ATF7IP2: variants seen among roughly 807,000 people sequenced by gnomAD.
ATF7IP2 encodes the protein activating transcription factor 7-interacting protein 2.
Under a neutral mutation model 64.2 loss-of-function variants are expected in ATF7IP2, and 42 were observed. That is an observed-to-expected ratio of 0.65 (90% confidence interval 0.51 to 0.85). ATF7IP2 has a LOEUF of 0.85. ATF7IP2 is among the 40% of genes least tolerant of loss of function. The probability of loss-of-function intolerance (pLI) is 0.00; values close to 1 mark genes in which losing one functional copy is unlikely to be tolerated. For missense variants in ATF7IP2, 933 were observed against 784.2 expected, an observed-to-expected ratio of 1.19 and a Z score of -2.27; for synonymous variants, 308 against 272.8, an observed-to-expected ratio of 1.13 and a Z score of -1.27.
chr16:10,482,156 C>T lies in ATF7IP2; in HGVS notation c.1956C>T (p.Tyr652=), dbSNP rs750166129. The change falls in exon 14 of 14, where the codon TAC becomes TAT. Residue 652 remains tyrosine (Y), a synonymous_variant. Transcript: ENST00000562102. Reference sequence around the variant, plus strand: ...CTCAGTTTTTAGCTTCCAACAGATACTATTTTACTGTCCAATCAAAAGATA... The same window carrying T: ...CTCAGTTTTTAGCTTCCAACAGATATTATTTTACTGTCCAATCAAAAGATA... ...TLSQFLASNR[Y]YFTVQSKDIF... is the part of the protein sequence containing the mutation. 2.5e-6 allele frequency: 4 copies of T among 1,612,818 alleles called. No individual in the cohort carries two copies. In the East Asian group the frequency reaches 6.7e-5, roughly 27 times the overall value.
intron 2 of ATF7IP2, among the ~76,000 whole-genome samples, chr16:10,416,378 T>G (rs1302887368): frequency 6.6e-6 from 1 of 152,208 alleles, no homozygotes; most frequent in African/African-American, 2.4e-5. Flanking sequence ...TCTCACTTAT[T>G]TGTGGGAGCT....
At chr16:10,393,821 A>T (rs1471569851) in intron 1 of ATF7IP2, among the ~76,000 whole-genome samples, 1 of 152,142 alleles carries the variant, frequency 6.6e-6, no homozygotes, top group East Asian at 1.9e-4. Context: ...GCCGAGGATC[A>T]TTTGAGGCCA....
At chr16:10,395,204 T>C (rs2047399292) in intron 1 of ATF7IP2, among the ~76,000 whole-genome samples, 1 of 151,952 alleles carries the variant, frequency 6.6e-6, no homozygotes, top group Non-Finnish European at 1.5e-5. Flanking sequence ...ATTCCAATTG[T>C]ATGGTACTCC....
At chr16:10,399,951 A>G (rs986395208) in intron 1 of ATF7IP2, among the ~76,000 whole-genome samples, 2 of 152,176 alleles carry the variant, frequency 1.3e-5, no homozygotes, top group African/African-American at 4.8e-5. Context: ...TTTTGTAGCT[A>G]TGGTAAATGG....
At chr16:10,406,603 C>G (rs914576953) in intron 1 of ATF7IP2, among the ~76,000 whole-genome samples, 2 of 152,028 alleles carry the variant, frequency 1.3e-5, no homozygotes, top group Non-Finnish European at 2.9e-5. Flanking sequence ...CTCAGAAATT[C>G]GAAGCATCCT....
chr16:10,396,463 A>G (rs978261269), intron 1 of ATF7IP2, among the ~76,000 whole-genome samples: 3 of 152,156 alleles, frequency 2.0e-5, no homozygotes, highest in Non-Finnish European at 2.9e-5. Context: ...GTGCAGACCA[A>G]CGTCATGGAG....
intron 12 of ATF7IP2, among the ~76,000 whole-genome samples, chr16:10,477,477 C>CAAAAT (rs1256850481): frequency 6.6e-6 from 1 of 152,048 alleles, no homozygotes; most frequent in African/African-American, 2.4e-5. Flanking sequence ...GGACGTATCT[C>CAAAAT]AAAATAATAA....
intron 3 of ATF7IP2, among the ~76,000 whole-genome samples, chr16:10,428,125 T>C (rs2048127194): frequency 6.6e-6 from 1 of 152,154 alleles, no homozygotes; most frequent in African/African-American, 2.4e-5. Flanking sequence ...AATTATAAAC[T>C]AAGTTTAGGA....
rs989144801 is a variant in ATF7IP2 at position 10,472,243 on chromosome 16, G to A, written c.1426+60G>A. ...GTTAGAAGGCCTTAAATCAATGTTT[G>A]CTTTAAAGTGAAAAATTGAATAATA... On this transcript the variant is annotated intron_variant, in intron 10 of 13. Coordinates refer to ENST00000562102, the MANE Select transcript of ATF7IP2 (RefSeq NM_001393719.1). 1.0e-5 allele frequency: 8 copies of A among 800,088 alleles called. No homozygotes were observed. The Admixed American group carries it at 1.1e-4, about 11-fold the overall frequency. The allele number at this position is 800,088 out of a possible 1,614,324, so 49.6% of individuals were successfully genotyped here. A position where few individuals can be genotyped will look rare whatever the true frequency, so the allele number is the denominator to read the frequency against.
chr16:10,436,688 G>A (rs1596506834), intron 6 of ATF7IP2, among the ~76,000 whole-genome samples: 1 of 151,998 alleles, frequency 6.6e-6, no homozygotes, highest in South Asian at 2.1e-4. Flanking sequence ...GATACTGGAG[G>A]AAAAAATATA....
chr16:10,424,426 G>A (rs2048044850), intron 3 of ATF7IP2, among the ~76,000 whole-genome samples: 1 of 152,072 alleles, frequency 6.6e-6, no homozygotes, highest in Non-Finnish European at 1.5e-5. Flanking sequence ...AAATTCTTAG[G>A]ACCTTGGATT....
intron 1 of ATF7IP2, among the ~76,000 whole-genome samples, chr16:10,405,489 C>G (rs943305691): frequency 2.6e-5 from 4 of 152,208 alleles, no homozygotes; most frequent in African/African-American, 9.6e-5. Flanking sequence ...CACCATTTTG[C>G]AGACCTTGGT....
chr16:10,475,018 C>T (rs1419964732), intron 12 of ATF7IP2, among the ~76,000 whole-genome samples: 1 of 152,028 alleles, frequency 6.6e-6, no homozygotes, highest in Non-Finnish European at 1.5e-5. Context: ...CCCATCTCTA[C>T]AAAAATAAGA....
intron 1 of ATF7IP2, among the ~76,000 whole-genome samples, chr16:10,405,813 T>A (rs2047626913): frequency 6.6e-6 from 1 of 152,204 alleles, no homozygotes; most frequent in Non-Finnish European, 1.5e-5. Context: ...TGTGTTGCTG[T>A]TGAGCTGCCA....
At chr16:10,412,917 C>T (rs1035356511) in intron 1 of ATF7IP2, among the ~76,000 whole-genome samples, 1 of 152,040 alleles carries the variant, frequency 6.6e-6, no homozygotes, top group African/African-American at 2.4e-5. Flanking sequence ...TATAATGTCC[C>T]TCTTTGTCTT....
At chr16:10,397,752 G>T (rs1287373392) in intron 1 of ATF7IP2, among the ~76,000 whole-genome samples, 1 of 151,754 alleles carries the variant, frequency 6.6e-6, no homozygotes, top group East Asian at 1.9e-4. Context: ...AGCTACTCAG[G>T]AGGCTGAGGT....
At chr16:10,390,279 T>A (rs2047295184) in intron 1 of ATF7IP2, among the ~76,000 whole-genome samples, 1 of 152,180 alleles carries the variant, frequency 6.6e-6, no homozygotes, top group South Asian at 2.1e-4. Flanking sequence ...GAAAAAAGAT[T>A]AAGCTAACTT....
At chr16:10,396,483 G>A (rs1319007058) in intron 1 of ATF7IP2, among the ~76,000 whole-genome samples, 1 of 152,052 alleles carries the variant, frequency 6.6e-6, no homozygotes, top group Non-Finnish European at 1.5e-5. Flanking sequence ...GATTTTCCCT[G>A]TGTTTCCAGT....
At chr16:10,408,493 C>G (rs1444200454) in intron 1 of ATF7IP2, among the ~76,000 whole-genome samples, 1 of 152,136 alleles carries the variant, frequency 6.6e-6, no homozygotes, top group East Asian at 1.9e-4. Context: ...CACATCCACA[C>G]CAACATCTAT....
Sources: gnomAD v4.1 joint callset for allele counts (sites outside exome capture counted in the v4.1 genomes callset) on GRCh38, gnomAD v4.1.1 for gene constraint, MANE v1.5 for transcripts, NCBI Gene and HGNC (gene_info 2026-07-23, HGNC 2026-07-21) for gene names.